Variants in ZNF644 observed in about 807,000 individuals in gnomAD.
The protein encoded by ZNF644 is zinc finger motif enhancer binding protein 2.
A neutral mutation model predicts 108.0 loss-of-function variants in ZNF644; 20 were observed. The observed-to-expected ratio is 0.19, with a 90% CI of 0.13 to 0.27. ZNF644 has a LOEUF of 0.27. Ranked by LOEUF, ZNF644 falls within the 10% of genes least tolerant of loss-of-function variation. ZNF644 has a pLI of 1.00. For missense variants in ZNF644, 1,338 were observed against 1,548.9 expected, an observed-to-expected ratio of 0.86 and a Z score of 2.29; for synonymous variants, 542 against 539.1, an observed-to-expected ratio of 1.01 and a Z score of -0.08.
chr1:90,979,712 C>CTAG (rs908043043), intron 2 of ZNF644, among the ~76,000 whole-genome samples: 8 of 152,192 alleles, frequency 5.3e-5, no homozygotes, highest in Admixed American at 3.3e-4. Context: ...TGTTCCCAAT[C>CTAG]TTCTACTTGT....
chr1:90,942,294 G>T (rs1158327547), intron 2 of ZNF644, among the ~76,000 whole-genome samples: 2 of 152,044 alleles, frequency 1.3e-5, no homozygotes, highest in Non-Finnish European at 2.9e-5. Context: ...ATCATTATGA[G>T]AAAAAAGTAC....
intron 2 of ZNF644, among the ~76,000 whole-genome samples, chr1:90,966,432 A>C (rs1654893666): frequency 6.6e-6 from 1 of 152,094 alleles, no homozygotes; most frequent in African/African-American, 2.4e-5. Flanking sequence ...ATTTTGAGCC[A>C]TAGGTTAAGG....
intron 1 of ZNF644, among the ~76,000 whole-genome samples, chr1:91,005,639 T>C (rs1659345371): frequency 6.6e-6 from 1 of 152,108 alleles, no homozygotes; most frequent in Non-Finnish European, 1.5e-5. Context: ...ATTGGTAAGT[T>C]AATATGTGGA....
chr1:90,918,216 T>C (rs1649020544), intron 4 of ZNF644, 62 bp from the exon 5 acceptor site: 2 of 1,387,268 alleles, frequency 1.4e-6, no homozygotes, highest in African/African-American at 1.4e-5. Context: ...CATACACACA[T>C]ATTTTTCTAG....
chr1:90,998,478 T>TTA (rs1658404418), intron 1 of ZNF644, among the ~76,000 whole-genome samples: 1 of 152,214 alleles, frequency 6.6e-6, no homozygotes, highest in South Asian at 2.1e-4. Context: ...GACCTGCAGC[T>TTA]GAGGGTCCTC....
At chr1:90,947,388 GACC>G (rs1024145599) in intron 2 of ZNF644, among the ~76,000 whole-genome samples, 4 of 152,210 alleles carry the variant, frequency 2.6e-5, no homozygotes, top group South Asian at 2.1e-4. Flanking sequence ...CAAATATTTT[GACC>G]ACATTTGTGT....
intron 2 of ZNF644, among the ~76,000 whole-genome samples, chr1:90,967,401 C>A (rs1655014828): frequency 1.3e-5 from 2 of 152,168 alleles, no homozygotes; most frequent in African/African-American, 2.4e-5. Flanking sequence ...TTTCAGAACT[C>A]TTTCAAATAT....
chr1:90,966,470 C>A (rs1209633728), intron 2 of ZNF644, among the ~76,000 whole-genome samples: 3 of 152,070 alleles, frequency 2.0e-5, no homozygotes, highest in African/African-American at 2.4e-5. Context: ...GAACAGGGGC[C>A]AGGTGCGGGT....
chr1:90,916,157 A>T lies in ZNF644; in HGVS notation c.*641T>A, dbSNP rs1380006861. On this transcript the variant is annotated 3_prime_UTR_variant, in exon 6 of 6. Coordinates refer to ENST00000337393, the MANE Select transcript of ZNF644 (RefSeq NM_201269.3). ...TTTCCTTACCACAAATAATTTCCAG[A>T]ACTATGTACATATTTCTTTTAGAAA... 6.6e-6 allele frequency: 1 copy of T among 152,636 alleles called. No individual in the cohort carries two copies. The highest frequency in any genetic ancestry group is 1.9e-4 in the East Asian group (1 of 5,206). The allele number at this position is 152,636 out of a possible 1,614,324, so 9.5% of individuals were successfully genotyped here. A position where few individuals can be genotyped will look rare whatever the true frequency, so the allele number is the denominator to read the frequency against.
chr1:90,955,243 A>T (rs1372658760), intron 2 of ZNF644, among the ~76,000 whole-genome samples: 1 of 152,226 alleles, frequency 6.6e-6, no homozygotes, highest in African/African-American at 2.4e-5. Context: ...TATAGAGCAC[A>T]GGTAGAGATT....
intron 2 of ZNF644, among the ~76,000 whole-genome samples, chr1:90,980,488 TAA>T (rs1297099340): frequency 5.3e-5 from 8 of 152,150 alleles, no homozygotes; most frequent in African/African-American, 1.7e-4. Context: ...GGGGGACAAT[TAA>T]AGAGACAGGT....
At chr1:90,929,828 TTAA>T (rs1650513771) in intron 4 of ZNF644, among the ~76,000 whole-genome samples, 1 of 152,202 alleles carries the variant, frequency 6.6e-6, no homozygotes, top group Non-Finnish European at 1.5e-5. Context: ...ACGATTACAC[TTAA>T]AAGTAAATGG....
chr1:90,919,681 A>G (rs1001990597), intron 4 of ZNF644, among the ~76,000 whole-genome samples: 3 of 152,088 alleles, frequency 2.0e-5, no homozygotes, highest in African/African-American at 7.2e-5. Context: ...CTAAACAACC[A>G]AACTCTGGAA....
intron 2 of ZNF644, among the ~76,000 whole-genome samples, chr1:90,944,862 T>G (rs1319714400): frequency 1.3e-5 from 2 of 152,226 alleles, no homozygotes; most frequent in African/African-American, 4.8e-5. Context: ...TCAAGACTCA[T>G]AGCTGTTGTG....
intron 2 of ZNF644, among the ~76,000 whole-genome samples, chr1:90,946,619 C>G (rs1652540582): frequency 6.6e-6 from 1 of 152,088 alleles, no homozygotes; most frequent in East Asian, 1.9e-4. Flanking sequence ...AACTTATGAT[C>G]TGTCAATAAA....
chr1:91,015,593 A>G (rs1241817471), intron 1 of ZNF644, among the ~76,000 whole-genome samples: 1 of 152,254 alleles, frequency 6.6e-6, no homozygotes, highest in Non-Finnish European at 1.5e-5. Flanking sequence ...AAATAACTTC[A>G]TTAAAATGTA....
At chr1:91,020,621 T>G (rs1428883397) in intron 1 of ZNF644, 1 of 152,202 alleles carries the variant, frequency 6.6e-6, no homozygotes, top group East Asian at 1.9e-4. Context: ...TGCCATCAAG[T>G]TCCCTAGATA....
At chr1:90,998,548 G>A (rs568530446) in intron 1 of ZNF644, among the ~76,000 whole-genome samples, 60 of 152,230 alleles carry the variant, frequency 3.9e-4, no homozygotes, top group African/African-American at 1.3e-3. Flanking sequence ...CCATCTCTAC[G>A]TCATCTACAT....
In ZNF644 at chr1:90,918,049, T is replaced by G; in HGVS notation, c.3791+3A>C. On this transcript the variant is annotated splice_donor_region_variant and intron_variant, in intron 5 of 5. Transcript: ENST00000337393. ...GATCAGATTTGGCAATATAGGCATA[T>G]ACCTGCATCGGAGAATGTAAACCTC... 6.2e-7 allele frequency: 1 copy of G among 1,612,554 alleles called. No homozygotes were observed. Among genetic ancestry groups the G allele is most frequent in the Non-Finnish European group, 8.5e-7 (1 of 1,178,572 alleles).
Sources: gnomAD v4.1 joint callset for allele counts (sites outside exome capture counted in the v4.1 genomes callset) on GRCh38, gnomAD v4.1.1 for gene constraint, MANE v1.5 for transcripts, NCBI Gene and HGNC (gene_info 2026-07-23, HGNC 2026-07-21) for gene names.